Variants in CD80 observed in about 807,000 individuals in gnomAD.
CD80 encodes CD80 molecule.
CD80 carries 13 observed loss-of-function variants against 27.1 expected under a neutral mutation model. That is an observed-to-expected ratio of 0.48 (90% CI 0.31 to 0.76). The LOEUF (loss-of-function observed/expected upper bound fraction) is 0.76. CD80 is among the 30% of genes least tolerant of loss of function. The probability of loss-of-function intolerance (pLI) is 0.04; values close to 1 mark genes in which losing one functional copy is unlikely to be tolerated. For missense variants in CD80, 277 were observed against 347.9 expected (o/e 0.80, Z 1.62); for synonymous variants, 125 against 125.5 (o/e 1.00, Z 0.03).
chr3:119,533,371 A>G (rs1444105337), intron 4 of CD80, among the ~76,000 whole-genome samples: 2 of 151,852 alleles, frequency 1.3e-5, no homozygotes, highest in Non-Finnish European at 2.9e-5. Context: ...TACACTAAAA[A>G]GAATCATATG....
At chr3:119,547,428 G>A (rs750706000) in intron 2 of CD80, among the ~76,000 whole-genome samples, 32 of 152,184 alleles carry the variant, frequency 2.1e-4, no homozygotes, top group Non-Finnish European at 4.0e-4. Context: ...TTTGCTTTAT[G>A]TTGAAGTCTG....
At chr3:119,546,633 C>T (rs1251288912) in intron 2 of CD80, among the ~76,000 whole-genome samples, 1 of 152,148 alleles carries the variant, frequency 6.6e-6, no homozygotes, top group East Asian at 1.9e-4. Flanking sequence ...TTCATGAATT[C>T]TCACTTACAG....
chr3:119,532,318 A>G (rs927070464), intron 4 of CD80, among the ~76,000 whole-genome samples: 1 of 152,124 alleles, frequency 6.6e-6, no homozygotes, highest in Non-Finnish European at 1.5e-5. Flanking sequence ...CCTGGCCAAC[A>G]TAGTGAAACC....
At chr3:119,534,382 A>AG (rs2082125552) in intron 4 of CD80, among the ~76,000 whole-genome samples, 1 of 149,530 alleles carries the variant, frequency 6.7e-6, no homozygotes, top group South Asian at 2.1e-4. Context: ...CAAAAAAAAA[A>AG]AAAAGAAAAA....
chr3:119,535,152 A>T (rs1352781330), intron 4 of CD80, among the ~76,000 whole-genome samples: 1 of 151,276 alleles, frequency 6.6e-6, no homozygotes, highest in Non-Finnish European at 1.5e-5. Context: ...AGATCACGCC[A>T]CTGCACTCCA....
rs2082191525 is a variant in CD80, at chr3:119,544,865, C to T, written c.103G>A (p.Val35Ile). 6.2e-7 allele frequency: 1 copy of T among 1,613,086 alleles called. No individual in the cohort carries two copies. The highest frequency in any genetic ancestry group is 8.5e-7 in the Non-Finnish European group (1 of 1,179,206). The change falls in exon 3 of 7, where the codon GTT becomes ATT. Residue 35 changes from valine (V) to isoleucine (I), a missense_variant and splice_region_variant. Val to Ile is a conservative substitution (Grantham distance 29, BLOSUM62 3). Coordinates refer to ENST00000264246, the MANE Select transcript of CD80 (RefSeq NM_005191.4). ...LAGLSHFCSG[V>I]IHVTKEVKEV... is the part of the protein sequence containing the mutation. ...TTCACTTCCTTGGTCACGTGGATAA[C>T]ACCTATGGAGAGGCAAACAGAACAA...
At chr3:119,539,348 T>G (rs2082155380) in intron 3 of CD80, among the ~76,000 whole-genome samples, 1 of 152,106 alleles carries the variant, frequency 6.6e-6, no homozygotes, top group Admixed American at 6.6e-5. Flanking sequence ...TATGCTAGCT[T>G]TCAAACAGGA....
At chr3:119,544,917 C>A (rs1188559237) in intron 2 of CD80, 50 bp from the exon 3 acceptor site, 2 of 1,474,980 alleles carry the variant, frequency 1.4e-6, no homozygotes. Context: ...AATACAGATT[C>A]CTGCATGGTC....
At chr3:119,546,700 T>C (rs2082204367) in intron 2 of CD80, among the ~76,000 whole-genome samples, 1 of 152,140 alleles carries the variant, frequency 6.6e-6, no homozygotes, top group Non-Finnish European at 1.5e-5. Flanking sequence ...TTTCAGCTAC[T>C]ACTGCCTTGA....
chr3:119,525,018 A>G lies in CD80; in HGVS notation c.*770T>C, dbSNP rs1222259414. On this transcript the variant is annotated 3_prime_UTR_variant, in exon 7 of 7. Transcript: ENST00000264246. ...CATTTAAAGAGATTATCAGTCCAAT[A>G]TGAACCAGTTAAGTCTTTGGACTAT... The G allele has an allele frequency of 6.6e-6, 1 of 152,228 alleles. No homozygotes were observed. The highest frequency in any genetic ancestry group is 1.9e-4 in the East Asian group (1 of 5,200). The allele number at this position is 152,228 out of a possible 1,614,324, so 9.4% of individuals were successfully genotyped here.
chr3:119,542,651 T>C (rs890226557), intron 3 of CD80, among the ~76,000 whole-genome samples: 6 of 152,198 alleles, frequency 3.9e-5, no homozygotes, highest in African/African-American at 1.2e-4. Flanking sequence ...ACTGACTCCA[T>C]CTTGCTTCTA....
intron 2 of CD80, among the ~76,000 whole-genome samples, chr3:119,551,364 T>A (rs2082230773): frequency 6.6e-6 from 1 of 152,184 alleles, no homozygotes; most frequent in African/African-American, 2.4e-5. Context: ...GTGTTGAGAA[T>A]TGGGACTGTT....
chr3:119,530,294 G>A (rs2082102642), intron 4 of CD80, among the ~76,000 whole-genome samples: 1 of 152,060 alleles, frequency 6.6e-6, no homozygotes, highest in Non-Finnish European at 1.5e-5. Flanking sequence ...TGTGTTCTAG[G>A]TATACTTTAT....
chr3:119,532,869 C>T (rs1315132333), intron 4 of CD80, among the ~76,000 whole-genome samples: 1 of 152,178 alleles, frequency 6.6e-6, no homozygotes, highest in Non-Finnish European at 1.5e-5. Context: ...AACTCCTGCA[C>T]ATTGCTGTCA....
intron 4 of CD80, among the ~76,000 whole-genome samples, chr3:119,532,919 C>G (rs1408860856): frequency 6.6e-6 from 1 of 152,172 alleles, no homozygotes; most frequent in Non-Finnish European, 1.5e-5. Flanking sequence ...CATAGTGTAC[C>G]TACCACTTAA....
chr3:119,557,782 G>C lies in CD80; in HGVS notation c.-54C>G. The C allele has an allele frequency of 5.2e-6, 7 of 1,337,950 alleles. No individual in the cohort carries two copies. Among genetic ancestry groups the C allele is most frequent in the Non-Finnish European group, 7.3e-6 (7 of 953,536 alleles). 82.9% of individuals were successfully genotyped at this position (1,337,950 alleles called of 1,614,324 possible). A position where few individuals can be genotyped will look rare whatever the true frequency, so the allele number is the denominator to read the frequency against. On this transcript the variant is annotated 5_prime_UTR_variant, in exon 2 of 7. Coordinates refer to ENST00000264246, the MANE Select transcript of CD80 (RefSeq NM_005191.4). ...AAGCCAACAATTTGGACCCAAGTAA[G>C]ACCAGGGCACTTCCCAGGTGCAAAA... is the stretch of plus-strand genomic sequence containing the variant.
chr3:119,555,926 T>C (rs1489360597), intron 2 of CD80, among the ~76,000 whole-genome samples: 1 of 152,206 alleles, frequency 6.6e-6, no homozygotes, highest in African/African-American at 2.4e-5. Flanking sequence ...CAGAATTCTC[T>C]CTCCATCATC....
chr3:119,541,479 A>C (rs2082168104), intron 3 of CD80, among the ~76,000 whole-genome samples: 1 of 152,204 alleles, frequency 6.6e-6, no homozygotes, highest in Non-Finnish European at 1.5e-5. Context: ...AGCACCAAAA[A>C]TCTTGTGCCC....
intron 3 of CD80, among the ~76,000 whole-genome samples, chr3:119,543,232 A>T (rs886335046): frequency 6.6e-6 from 1 of 152,242 alleles, no homozygotes; most frequent in African/African-American, 2.4e-5. Flanking sequence ...GGCTCTATCT[A>T]CGCAGCAGGC....
Sources: allele counts gnomAD v4.1 joint callset (sites outside exome capture counted in the v4.1 genomes callset), GRCh38; gene constraint gnomAD v4.1.1; transcripts MANE v1.5; gene names NCBI Gene and HGNC (gene_info 2026-07-23, HGNC 2026-07-21).